Variants in CDH13 observed in about 807,000 individuals in gnomAD.
CDH13 encodes the protein cadherin-13.
In CDH13, 24 loss-of-function variants were observed where a neutral mutation model predicts 63.8. The ratio of observed to expected loss-of-function variants is 0.38; its 90% CI spans 0.27 to 0.53. The LOEUF (loss-of-function observed/expected upper bound fraction) is 0.53, where lower values mean the gene tolerates loss of function less well. CDH13 is among the 20% of genes least tolerant of loss of function. CDH13 has a pLI of 0.85. For synonymous variants in CDH13, 503 were observed against 355.3 expected (o/e 1.42, Z -4.67); for missense variants, 1,049 against 903.1 (o/e 1.16, Z -2.07).
At chr16:83,149,149 A>G (rs558312607) in intron 4 of CDH13, among the ~76,000 whole-genome samples, 1 of 152,336 alleles carries the variant, frequency 6.6e-6, no homozygotes, top group Non-Finnish European at 1.5e-5. Flanking sequence ...TTGGAATTAC[A>G]TTATTTCCTC....
rs530141934 is a variant in CDH13 at position 83,490,643 on chromosome 16, C to T, written c.960+3988C>T. Among the ~76,000 whole-genome samples, 6 of 152,272 alleles carry T rather than the reference C, an allele frequency of 3.9e-5. No homozygotes were observed. In the East Asian group the frequency reaches 1.2e-3, roughly 29 times the overall value. On this transcript the variant is annotated intron_variant, in intron 7 of 13. Coordinates refer to ENST00000567109, the MANE Select transcript of CDH13 (RefSeq NM_001257.5). ...TTTGTGGGATGATGTTTGGCTTGCC[C>T]ATGACCTATTGCCAGTACCTAGCAC...
chr16:82,629,154 T>C (rs940819268), intron 1 of CDH13, among the ~76,000 whole-genome samples: 2 of 152,222 alleles, frequency 1.3e-5, no homozygotes, highest in African/African-American at 4.8e-5. Context: ...TCGATTTTTA[T>C]GCACTAAGGG....
chr16:83,348,017 C>G (rs1372944224), intron 6 of CDH13, among the ~76,000 whole-genome samples: 1 of 151,984 alleles, frequency 6.6e-6, no homozygotes, highest in African/African-American at 2.4e-5. Context: ...TGGTGAAACC[C>G]CATTGCTACG....
intron 1 of CDH13, among the ~76,000 whole-genome samples, chr16:82,833,291 C>T (rs796547703): frequency 1.1e-4 from 17 of 152,320 alleles, no homozygotes; most frequent in African/African-American, 2.6e-4. Context: ...TTTCATCCTT[C>T]GAATGATCCT....
intron 10 of CDH13, among the ~76,000 whole-genome samples, chr16:83,735,021 G>A (rs79086491): frequency 0.018 from 2,695 of 150,194 alleles, 102 homozygotes; most frequent in East Asian, 0.18. Context: ...AAACATAAGC[G>A]TCAGTTCTGT....
chr16:82,653,533 C>T (rs1910969188), intron 1 of CDH13, among the ~76,000 whole-genome samples: 1 of 152,048 alleles, frequency 6.6e-6, no homozygotes, highest in South Asian at 2.1e-4. Flanking sequence ...AAGCCAGCAG[C>T]AGAAGAAAAG....
At chr16:83,621,379 G>C (rs1426816480) in intron 8 of CDH13, among the ~76,000 whole-genome samples, 1 of 149,834 alleles carries the variant, frequency 6.7e-6, no homozygotes, top group African/African-American at 2.5e-5. Flanking sequence ...CCAAGGGTTT[G>C]CTGAAGCAGC....
At chr16:83,648,084 T>G (rs1912007717) in intron 8 of CDH13, among the ~76,000 whole-genome samples, 1 of 152,052 alleles carries the variant, frequency 6.6e-6, no homozygotes, top group South Asian at 2.1e-4. Context: ...CCTCAAGGTG[T>G]GTTTGAATTT....
intron 3 of CDH13, among the ~76,000 whole-genome samples, chr16:83,103,277 C>T (rs1341107330): frequency 8.6e-6 from 1 of 116,942 alleles, no homozygotes; most frequent in African/African-American, 3.2e-5. Context: ...GACAGTCTGG[C>T]TCTGTTGCCC....
chr16:83,540,437 A>G lies in CDH13; in HGVS notation c.960+53782A>G, dbSNP rs556419679. On this transcript the variant is annotated intron_variant, in intron 7 of 13. Transcript: ENST00000567109. ...CCTGTGTTCAGTTAAGCAGCTGACC[A>G]GTCATTACCACCTCCTCCTTGCTCT... 4.8e-4 allele frequency among the ~76,000 whole-genome samples: 73 copies of G among 152,306 alleles called. 2 individuals carry two copies. Among genetic ancestry groups the G allele is most frequent in the African/African-American group, 1.7e-3 (71 of 41,568 alleles).
intron 2 of CDH13, among the ~76,000 whole-genome samples, chr16:82,868,725 C>T (rs1034599574): frequency 6.6e-5 from 10 of 152,186 alleles, no homozygotes; most frequent in Non-Finnish European, 1.2e-4. Flanking sequence ...TGTTTGGCTG[C>T]TTAGTGTGAG....
intron 6 of CDH13, among the ~76,000 whole-genome samples, chr16:83,415,736 A>AT (rs149065458): frequency 1.9e-3 from 287 of 152,324 alleles, no homozygotes; most frequent in African/African-American, 6.5e-3. Flanking sequence ...AAAACTAGGA[A>AT]TAGAAGGAAA....
intron 4 of CDH13, among the ~76,000 whole-genome samples, chr16:83,208,278 C>T (rs2151774823): frequency 6.6e-6 from 1 of 152,246 alleles, no homozygotes; most frequent in South Asian, 2.1e-4. Context: ...CATGGTTGAG[C>T]AGCATAAGGG....
At chr16:83,454,765 G>A (rs569145238) in intron 6 of CDH13, among the ~76,000 whole-genome samples, 63 of 151,892 alleles carry the variant, frequency 4.1e-4, no homozygotes, top group Non-Finnish European at 7.9e-4. Context: ...GGATTGCAGT[G>A]GCATGATCTC....
chr16:82,714,360 CAAAT>C (rs1421645398), intron 1 of CDH13, among the ~76,000 whole-genome samples: 2 of 152,018 alleles, frequency 1.3e-5, no homozygotes, highest in African/African-American at 2.4e-5. Context: ...TGCAGATAAT[CAAAT>C]AAAAATGAGG....
chr16:83,370,055 A>G (rs1479553698), intron 6 of CDH13, among the ~76,000 whole-genome samples: 1 of 152,098 alleles, frequency 6.6e-6, no homozygotes, highest in Non-Finnish European at 1.5e-5. Flanking sequence ...TGTATCTCCA[A>G]TATCTCCTGC....
chr16:83,730,302 C>G (rs923945549), intron 10 of CDH13, among the ~76,000 whole-genome samples: 1 of 152,176 alleles, frequency 6.6e-6, no homozygotes, highest in Admixed American at 6.5e-5. Context: ...AGAATTCTTG[C>G]GCAAAGGGGG....
At chr16:83,148,690 A>T (rs541115160) in intron 4 of CDH13, among the ~76,000 whole-genome samples, 16 of 152,338 alleles carry the variant, frequency 1.1e-4, no homozygotes, top group African/African-American at 2.6e-4. Flanking sequence ...TATTATGAAT[A>T]TCTAATACAG....
chr16:83,245,899 T>A (rs910685929), intron 5 of CDH13, among the ~76,000 whole-genome samples: 1 of 152,046 alleles, frequency 6.6e-6, no homozygotes, highest in Non-Finnish European at 1.5e-5. Flanking sequence ...CGCACCACCA[T>A]ACCCAGCTTG....
Sources: allele counts gnomAD v4.1 joint callset (sites outside exome capture counted in the v4.1 genomes callset), GRCh38; gene constraint gnomAD v4.1.1; transcripts MANE v1.5; gene names NCBI Gene and HGNC (gene_info 2026-07-23, HGNC 2026-07-21).